USP34: variants seen among roughly 807,000 people sequenced by gnomAD.
The protein encoded by USP34 is ubiquitin carboxyl-terminal hydrolase 34.
In USP34, 70 loss-of-function variants were observed where a neutral mutation model predicts 460.3. That is an observed-to-expected ratio of 0.15 (90% confidence interval 0.13 to 0.19). The LOEUF (loss-of-function observed/expected upper bound fraction) is 0.19. Among genes scored for constraint, USP34 ranks in the 10% least tolerant of loss-of-function variants. USP34 has a pLI of 1.00. For missense variants in USP34, 3,985 were observed against 4,236.2 expected, an observed-to-expected ratio of 0.94 and a Z score of 1.65; for synonymous variants, 1,647 against 1,405.3, an observed-to-expected ratio of 1.17 and a Z score of -3.85.
At chr2:61,277,993 G>T in intron 41 of USP34, 172 bp downstream of exon 41, 1 of 836,058 alleles carries the variant, frequency 1.2e-6, no homozygotes, top group Non-Finnish European at 1.7e-6. Context: ...GCACGATTGT[G>T]AGGCCTCCCC....
intron 22 of USP34, among the ~76,000 whole-genome samples, chr2:61,318,698 A>C (rs552406279): frequency 6.6e-6 from 1 of 152,190 alleles, no homozygotes; most frequent in South Asian, 2.1e-4. Context: ...TACGATAATG[A>C]CAACACTTCT....
intron 10 of USP34, 46 bp downstream of exon 10, chr2:61,370,275 C>G: frequency 1.9e-6 from 3 of 1,575,718 alleles, no homozygotes; most frequent in Non-Finnish European, 2.6e-6. Flanking sequence ...GCACTTAGAA[C>G]ATATGATAAG....
chr2:61,284,865 A>T lies in USP34; in HGVS notation c.4832+10T>A. 2 of 1,599,904 alleles carry T rather than the reference A, an allele frequency of 1.3e-6. No individual in the cohort carries two copies. Among genetic ancestry groups the T allele is most frequent in the Non-Finnish European group, 1.7e-6 (2 of 1,172,378 alleles). Reference sequence around the variant, plus strand: ...ACATACACACATAAAATATATCTTAAAATGCATACCTAGGAGCCAGATTAT... The same window carrying T: ...ACATACACACATAAAATATATCTTATAATGCATACCTAGGAGCCAGATTAT... On this transcript the variant is annotated intron_variant, in intron 35 of 79. Transcript: ENST00000398571.
rs78079750 is a variant in USP34, at chr2:61,366,250, G to A, written c.1251+4071C>T. On this transcript the variant is annotated intron_variant, in intron 10 of 79. Transcript: ENST00000398571. ...GTGAATACCTTTTTAAAATGTAATA[G>A]GTAAAGAAAGTTGTAGCTCAGAGTA... Among the ~76,000 whole-genome samples the A allele has an allele frequency of 6.4e-3, 967 of 152,242 alleles. 3 individuals are homozygous for A. The highest frequency in any genetic ancestry group is 0.01 in the Admixed American group (157 of 15,280).
intron 20 of USP34, among the ~76,000 whole-genome samples, chr2:61,326,731 G>A (rs1029309161): frequency 6.6e-6 from 1 of 150,930 alleles, no homozygotes; most frequent in South Asian, 2.1e-4. Flanking sequence ...AACAGTGGCT[G>A]GTCTATGCTC....
chr2:61,288,972 A>G, intron 33 of USP34, 95 bp from the exon 34 acceptor site: 1 of 1,274,188 alleles, frequency 7.8e-7, no homozygotes, highest in Non-Finnish European at 1.1e-6. Flanking sequence ...AATAAAAATA[A>G]TTATAGCTAG....
intron 35 of USP34, 60 bp from the exon 36 acceptor site, chr2:61,283,509 AATTT>A: frequency 6.5e-7 from 1 of 1,546,082 alleles, no homozygotes; most frequent in Non-Finnish European, 8.8e-7. Context: ...AAAATAATTC[AATTT>A]ATTAACATAT....
intron 43 of USP34, among the ~76,000 whole-genome samples, chr2:61,262,835 G>C (rs193085121): frequency 2.6e-5 from 4 of 151,962 alleles, no homozygotes; most frequent in African/African-American, 9.7e-5. Flanking sequence ...TTACAACATC[G>C]CCAGCATCAG....
chr2:61,368,975 C>T (rs73936127), intron 10 of USP34, among the ~76,000 whole-genome samples: 3,650 of 151,788 alleles, frequency 0.024, 157 homozygotes, highest in African/African-American at 0.084. Flanking sequence ...AGAACTCCTA[C>T]AAATAAAAAA....
At position 61,220,430 on chromosome 2, in the gene USP34, G is replaced by A; in HGVS notation, c.7927C>T (p.Leu2643=). ...EVIEYNPSQC[L]DWLAVQTPRN... ...GGTGTCTGCACTGCCAACCAATCTA[G>A]ACACTGAGAAGGATTGTATTCAATC... The change falls in exon 67 of 80, where the codon CTA becomes TTA. Residue 2643 remains leucine, a synonymous_variant. Coordinates refer to ENST00000398571, the MANE Select transcript of USP34 (RefSeq NM_014709.4). 3 of 1,613,490 alleles carry A rather than the reference G, an allele frequency of 1.9e-6. No homozygotes were observed. Among genetic ancestry groups the A allele is most frequent in the Non-Finnish European group, 2.5e-6 (3 of 1,179,752 alleles).
intron 20 of USP34, among the ~76,000 whole-genome samples, 164 bp from the exon 21 acceptor site, chr2:61,325,621 CA>C (rs1191971826): frequency 6.6e-6 from 1 of 151,786 alleles, no homozygotes; most frequent in Admixed American, 6.6e-5. Context: ...AAAGGCAAAA[CA>C]AAAAAATTTA....
At chr2:61,393,318 C>A (rs1009280834) in intron 5 of USP34, among the ~76,000 whole-genome samples, 4 of 151,730 alleles carry the variant, frequency 2.6e-5, no homozygotes, top group African/African-American at 9.7e-5. Context: ...GTAGTCCCAA[C>A]TACTCGGGAG....
intron 10 of USP34, among the ~76,000 whole-genome samples, chr2:61,360,745 G>A (rs184543062): frequency 2.0e-3 from 310 of 152,118 alleles, no homozygotes; most frequent in African/African-American, 6.9e-3. Flanking sequence ...CAGCCTCGAC[G>A]TCCTGGGCTC....
In USP34 at chr2:61,223,161, A is replaced by G; in HGVS notation, c.7648T>C (p.Phe2550Leu). ...CGAATATGTTGAAACAAGAAGGGAA[A>G]TCCCTGTCAAAAGCAAAAGTTGTTC... is the stretch of plus-strand genomic sequence containing the variant. ...DMAALTGGKG[F>L]PFLFQHIRDG... Residue 2550 changes from phenylalanine to leucine, a missense_variant, in exon 64 of 80, where the codon TTT (phenylalanine) becomes CTT (leucine). Around this residue, in one of 14 missense-constraint regions of USP34, gnomAD observed 604 missense variants for 684.8 expected, o/e 0.88. Transcript: ENST00000398571. 6.2e-7 allele frequency: 1 copy of G among 1,613,602 alleles called. No individual in the cohort carries two copies. The highest frequency in any genetic ancestry group is 2.2e-5 in the East Asian group (1 of 44,848).
intron 1 of USP34, among the ~76,000 whole-genome samples, chr2:61,467,594 C>T (rs1052008220): frequency 2.8e-5 from 4 of 143,618 alleles, no homozygotes; most frequent in Non-Finnish European, 6.0e-5. Flanking sequence ...ATTCTGAGCA[C>T]ATTTTGGGAG....
At chr2:61,386,397 AAAT>A (rs1693145646) in intron 5 of USP34, among the ~76,000 whole-genome samples, 1 of 152,212 alleles carries the variant, frequency 6.6e-6, no homozygotes, top group African/African-American at 2.4e-5. Flanking sequence ...CTGAAACTAT[AAAT>A]AAAAATGTAT....
intron 5 of USP34, among the ~76,000 whole-genome samples, chr2:61,388,429 G>A (rs1034904450): frequency 6.8e-5 from 10 of 147,090 alleles, no homozygotes; most frequent in Non-Finnish European, 8.9e-5. Context: ...ATGCATACTC[G>A]AGGGGATGTG....
At chr2:61,200,291 A>G (rs1213387003) in intron 75 of USP34, 1 of 152,368 alleles carries the variant, frequency 6.6e-6, no homozygotes, top group Non-Finnish European at 1.5e-5. Context: ...AAGTATCAAA[A>G]TACTTGCCGA....
chr2:61,331,426 T>C (rs1691257789), intron 19 of USP34, 55 bp from the exon 20 acceptor site: 1 of 1,449,914 alleles, frequency 6.9e-7, no homozygotes, highest in Admixed American at 2.2e-5. Context: ...AGAGAATAAA[T>C]CTATGCTATG....
Sources: allele counts gnomAD v4.1 joint callset (sites outside exome capture counted in the v4.1 genomes callset), GRCh38; gene constraint gnomAD v4.1.1; regional missense constraint gnomAD v4.1.1; transcripts MANE v1.5; gene names NCBI Gene and HGNC (gene_info 2026-07-23, HGNC 2026-07-21).